The following CWC27 variants were observed in gnomAD, a reference collection of about 807,000 sequenced individuals.
CWC27 encodes spliceosome-associated protein CWC27 homolog.
CWC27 carries 47 observed loss-of-function variants against 63.6 expected under a neutral mutation model. That is an observed-to-expected ratio of 0.74 (90% confidence interval 0.58 to 0.94). The LOEUF (loss-of-function observed/expected upper bound fraction) is 0.94. Among genes scored for constraint, CWC27 ranks in the 40% least tolerant of loss-of-function variants. The pLI, the probability that CWC27 is intolerant of heterozygous loss-of-function variation, is 0.00. For synonymous variants in CWC27, 175 were observed against 179.8 expected (o/e 0.97, Z 0.22); for missense variants, 495 against 554.3 (o/e 0.89, Z 1.07).
intron 10 of CWC27, among the ~76,000 whole-genome samples, chr5:64,866,919 C>G (rs1043502775): frequency 2.6e-5 from 4 of 152,036 alleles, no homozygotes; most frequent in Admixed American, 2.6e-4. Context: ...TTTGATCACT[C>G]ACTACAAGGT....
In CWC27 at chr5:64,787,688, T is replaced by C. The variant is rs554546672; in HGVS notation, c.599+1061T>C. 1.4e-4 allele frequency among the ~76,000 whole-genome samples: 21 copies of C among 152,232 alleles called. No individual in the cohort carries two copies. The East Asian group carries it at 2.3e-3, about 17-fold the overall frequency. ...GTATTTTGGACAATATTCTACATTA[T>C]TAATACTGTCTGTATATACTGCAGA... On this transcript the variant is annotated intron_variant, in intron 6 of 13. Transcript: ENST00000381070.
chr5:64,803,742 G>A (rs1258164919), intron 9 of CWC27, among the ~76,000 whole-genome samples: 7 of 152,138 alleles, frequency 4.6e-5, no homozygotes, highest in African/African-American at 1.2e-4. Context: ...ATTGCATAGG[G>A]CCTTGAGTGA....
rs370803572 is a variant in CWC27 at position 64,882,633 on chromosome 5, G to A, written c.939-2810G>A. Among the ~76,000 whole-genome samples, 157 of 152,138 alleles carry A rather than the reference G, an allele frequency of 1.0e-3. 1 individual carries two copies. The highest frequency in any genetic ancestry group is 3.6e-3 in the African/African-American group (148 of 41,526). Reference sequence around the variant, plus strand: ...TTTTGAGACGGAGTCTCGCTCTGTCGCCCAGGCTGGAGTGCAGTGGTGCGA... The same window carrying A: ...TTTTGAGACGGAGTCTCGCTCTGTCACCCAGGCTGGAGTGCAGTGGTGCGA... On this transcript the variant is annotated intron_variant, in intron 10 of 13. Transcript: ENST00000381070.
intron 11 of CWC27, among the ~76,000 whole-genome samples, chr5:64,904,789 A>C (rs943255330): frequency 6.6e-6 from 1 of 152,238 alleles, no homozygotes; most frequent in East Asian, 1.9e-4. Context: ...CATGACTCAG[A>C]TAAGGATTGG....
At chr5:64,859,268 G>A (rs1373500683) in intron 10 of CWC27, among the ~76,000 whole-genome samples, 1 of 152,098 alleles carries the variant, frequency 6.6e-6, no homozygotes, top group Non-Finnish European at 1.5e-5. Context: ...GGTGGCAGTG[G>A]CAGGGAGGAG....
intron 10 of CWC27, among the ~76,000 whole-genome samples, chr5:64,835,695 T>C (rs1448195467): frequency 6.6e-6 from 1 of 151,848 alleles, no homozygotes; most frequent in Non-Finnish European, 1.5e-5. Context: ...CTTTTAACAA[T>C]GTATTTTTTT....
At chr5:64,925,239 GC>G (rs1454381141) in intron 11 of CWC27, among the ~76,000 whole-genome samples, 1 of 152,118 alleles carries the variant, frequency 6.6e-6, no homozygotes, top group African/African-American at 2.4e-5. Context: ...CTGATTTCAG[GC>G]ACACCTTTGT....
intron 11 of CWC27, among the ~76,000 whole-genome samples, chr5:64,965,941 G>A (rs1749005163): frequency 1.3e-5 from 2 of 152,062 alleles, no homozygotes; most frequent in African/African-American, 4.8e-5. Flanking sequence ...ACATTCAGGA[G>A]GATTTGAACT....
intron 10 of CWC27, among the ~76,000 whole-genome samples, chr5:64,827,310 AGC>A (rs1745390050): frequency 6.6e-6 from 1 of 152,180 alleles, no homozygotes; most frequent in Admixed American, 6.6e-5. Context: ...TATCTTACCT[AGC>A]CTCAGAACTC....
chr5:64,892,211 G>A (rs575284626), intron 11 of CWC27, among the ~76,000 whole-genome samples: 1 of 152,250 alleles, frequency 6.6e-6, no homozygotes, highest in South Asian at 2.1e-4. Context: ...TAATTTCAAT[G>A]TTGAGAATTT....
At chr5:64,916,800 A>G (rs1020868923) in intron 11 of CWC27, among the ~76,000 whole-genome samples, 17 of 152,222 alleles carry the variant, frequency 1.1e-4, no homozygotes, top group Admixed American at 2.0e-4. Flanking sequence ...TAAAATTGGC[A>G]TGTTCATTTG....
At chr5:64,772,914 G>A (rs965700564) in intron 1 of CWC27, among the ~76,000 whole-genome samples, 9 of 151,264 alleles carry the variant, frequency 5.9e-5, no homozygotes, top group Admixed American at 2.6e-4. Flanking sequence ...TCCAGCCTGC[G>A]CAACGGGGTG....
chr5:64,781,372 G>C (rs2112159612), intron 2 of CWC27, among the ~76,000 whole-genome samples: 1 of 152,260 alleles, frequency 6.6e-6, no homozygotes, highest in East Asian at 1.9e-4. Flanking sequence ...TATATTATGA[G>C]TTTGTGTGTT....
At chr5:64,979,983 AAAG>A in intron 13 of CWC27, among the ~76,000 whole-genome samples, 1 of 151,858 alleles carries the variant, frequency 6.6e-6, no homozygotes. Context: ...AAAAAAAAAA[AAAG>A]AGAGAGGGAG....
intron 11 of CWC27, among the ~76,000 whole-genome samples, chr5:64,934,925 C>A (rs1276185240): frequency 6.6e-6 from 1 of 152,050 alleles, no homozygotes; most frequent in African/African-American, 2.4e-5. Context: ...CTGTTCATAT[C>A]CTTTTCCCAC....
At chr5:64,840,225 T>C (rs114812058) in intron 10 of CWC27, among the ~76,000 whole-genome samples, 243 of 151,406 alleles carry the variant, frequency 1.6e-3, no homozygotes, top group African/African-American at 4.6e-3. Flanking sequence ...AGCCAGACAG[T>C]AGAGGAATTA....
At chr5:64,845,216 G>A (rs1745944251) in intron 10 of CWC27, among the ~76,000 whole-genome samples, 1 of 152,138 alleles carries the variant, frequency 6.6e-6, no homozygotes, top group South Asian at 2.1e-4. Flanking sequence ...GCCCTTCCCA[G>A]GCTAAACTAA....
intron 10 of CWC27, among the ~76,000 whole-genome samples, chr5:64,813,148 C>A (rs956488929): frequency 4.6e-5 from 7 of 151,954 alleles, no homozygotes; most frequent in Admixed American, 2.0e-4. Flanking sequence ...TTTTAATTGC[C>A]TTTACCAGTT....
At chr5:65,007,779 C>T (rs1226513695) in intron 13 of CWC27, among the ~76,000 whole-genome samples, 1 of 152,122 alleles carries the variant, frequency 6.6e-6, no homozygotes, top group East Asian at 1.9e-4. Flanking sequence ...AGGCGCCAGC[C>T]ACCATGCCCG....
Sources: gnomAD v4.1 joint callset for allele counts (sites outside exome capture counted in the v4.1 genomes callset) on GRCh38, gnomAD v4.1.1 for gene constraint, MANE v1.5 for transcripts, NCBI Gene and HGNC (gene_info 2026-07-23, HGNC 2026-07-21) for gene names.